NTN1: variants seen among roughly 807,000 people sequenced by gnomAD.
The protein encoded by NTN1 is netrin 1, also known as netrin-1.
Under a neutral mutation model 54.2 loss-of-function variants are expected in NTN1, and 11 were observed. The ratio of observed to expected loss-of-function variants is 0.20; its 90% CI spans 0.13 to 0.34. NTN1 has a LOEUF of 0.34. Ranked by LOEUF, NTN1 falls within the 10% of genes least tolerant of loss-of-function variation. NTN1 has a pLI of 1.00. For missense variants in NTN1, 740 were observed against 893.1 expected (o/e 0.83, Z 2.18); for synonymous variants, 371 against 382.0 (o/e 0.97, Z 0.33).
At chr17:9,190,203 G>A (rs1904414674) in intron 5 of NTN1, among the ~76,000 whole-genome samples, 2 of 152,118 alleles carry the variant, frequency 1.3e-5, no homozygotes, top group Admixed American at 1.3e-4. Flanking sequence ...TAGCAATAAA[G>A]TACAGCACAT....
At chr17:9,090,924 C>T (rs871825) in intron 2 of NTN1, among the ~76,000 whole-genome samples, 14,544 of 152,092 alleles carry the variant, frequency 0.096, 779 homozygotes, top group Non-Finnish European at 0.11. Context: ...CTCCCCTCCA[C>T]CGGGACCCTC....
intron 6 of NTN1, among the ~76,000 whole-genome samples, chr17:9,226,454 T>TCTCGTGGGGAGGTG (rs1567744971): frequency 7.4e-5 from 7 of 94,908 alleles, no homozygotes; most frequent in Non-Finnish European, 1.4e-4. Context: ...GTGGGGAGGC[T>TCTCGTGGGGAGGTG]GTCTCGTGGG....
At chr17:9,005,283 C>T in the NTN1 span, among the ~76,000 whole-genome samples, 2 of 152,134 alleles carry the variant, frequency 1.3e-5, no homozygotes, top group Non-Finnish European at 2.9e-5. Context: ...ATTCTAGAGC[C>T]ATTATACAGA....
chr17:9,133,222 C>T lies in NTN1; in HGVS notation c.1019-29591C>T, dbSNP rs78659341. ...GGGGGAGTCTGACGGATGCCACCAC[C>T]GCCTTGGTCTGTTAAGAATCTACTG... is the stretch of plus-strand genomic sequence containing the variant. On this transcript the variant is annotated intron_variant, in intron 2 of 6. Transcript: ENST00000173229. 3.7e-4 allele frequency among the ~76,000 whole-genome samples: 56 copies of T among 152,310 alleles called. No homozygotes were observed. In the East Asian group the frequency reaches 6.6e-3, roughly 18 times the overall value.
the NTN1 span, among the ~76,000 whole-genome samples, chr17:9,013,216 CTTTTTTTT>C: frequency 6.7e-5 from 8 of 118,726 alleles, no homozygotes; most frequent in African/African-American, 2.5e-4. Context: ...TTTTCTTTTT[CTTTTTTTT>C]TTTTTTTTTG....
chr17:9,152,362 C>T (rs1597507549), intron 2 of NTN1, among the ~76,000 whole-genome samples: 1 of 152,154 alleles, frequency 6.6e-6, no homozygotes, highest in African/African-American at 2.4e-5. Flanking sequence ...CTGCCCAGTT[C>T]CCCGGAGAGG....
chr17:9,236,339 G>A (rs767651926), intron 6 of NTN1, among the ~76,000 whole-genome samples: 10 of 152,238 alleles, frequency 6.6e-5, no homozygotes, highest in Non-Finnish European at 1.2e-4. Flanking sequence ...GTTGGTCGGA[G>A]GTGACAGCAG....
At chr17:9,072,212 C>T (rs1227144665) in intron 2 of NTN1, among the ~76,000 whole-genome samples, 1 of 151,822 alleles carries the variant, frequency 6.6e-6, no homozygotes, top group Non-Finnish European at 1.5e-5. Context: ...CACACCAGCC[C>T]CCTCCCGGGT....
chr17:9,049,732 T>C (rs1325077365), intron 2 of NTN1, among the ~76,000 whole-genome samples: 1 of 152,154 alleles, frequency 6.6e-6, no homozygotes, highest in East Asian at 1.9e-4. Flanking sequence ...AGATTCTGAA[T>C]TGGATCTAGA....
chr17:9,203,676 G>T (rs145128440), intron 5 of NTN1, among the ~76,000 whole-genome samples: 1 of 152,018 alleles, frequency 6.6e-6, no homozygotes, highest in Non-Finnish European at 1.5e-5. Flanking sequence ...GGTGGTGGGC[G>T]CCTGTAATCC....
Position 9,142,672 on chromosome 17 carries a change from C to T in NTN1, c.1019-20141C>T, listed in dbSNP as rs572157637. ...CATTCATGGACTTAATAGATATCAC[C>T]GTGTACTATGTGCCAGGCATGTCTC... On this transcript the variant is annotated intron_variant, in intron 2 of 6. Transcript: ENST00000173229. 7.9e-5 allele frequency among the ~76,000 whole-genome samples: 12 copies of T among 152,064 alleles called. No homozygotes were observed. The East Asian group carries it at 1.7e-3, about 22-fold the overall frequency.
chr17:9,180,500 G>A (rs1339089550), intron 4 of NTN1, among the ~76,000 whole-genome samples: 4 of 152,184 alleles, frequency 2.6e-5, no homozygotes, highest in Non-Finnish European at 4.4e-5. Context: ...CAAACACTGA[G>A]TCTCCTGTTT....
At chr17:9,095,227 C>G (rs1307049976) in intron 2 of NTN1, among the ~76,000 whole-genome samples, 1 of 152,080 alleles carries the variant, frequency 6.6e-6, no homozygotes, top group Non-Finnish European at 1.5e-5. Context: ...AAACAGTTTC[C>G]CCAAGTTTGT....
chr17:9,218,650 C>T lies in NTN1; in HGVS notation c.1412-2518C>T, dbSNP rs565775453. 2.5e-4 allele frequency among the ~76,000 whole-genome samples: 38 copies of T among 152,232 alleles called. No homozygotes were observed. The South Asian group carries it at 7.3e-3, about 29-fold the overall frequency. On this transcript the variant is annotated intron_variant, in intron 5 of 6. Coordinates refer to ENST00000173229, the MANE Select transcript of NTN1 (RefSeq NM_004822.3). ...GCCTTCCTCCTGCCCCGCCCCCCAC[C>T]CCCGGGGTGGGGCTTACCTTGGGCG...
chr17:9,006,158 A>G, the NTN1 span, among the ~76,000 whole-genome samples: 8 of 120,368 alleles, frequency 6.6e-5, no homozygotes, highest in African/African-American at 2.5e-4. Flanking sequence ...TAGGGGGAGG[A>G]GAAGCCATCA....
At chr17:9,105,660 T>C (rs537670879) in intron 2 of NTN1, among the ~76,000 whole-genome samples, 36 of 142,000 alleles carry the variant, frequency 2.5e-4, no homozygotes, top group Non-Finnish European at 4.0e-4. Flanking sequence ...CTCTCTCTCT[T>C]TCTCTCTCTC....
rs1292349323 is a variant in NTN1 at position 9,243,314 on chromosome 17, A to AAGGCCCTGGAAC, written c.*3347_*3358dup. On this transcript the variant is annotated 3_prime_UTR_variant, in exon 7 of 7. Transcript: ENST00000173229. ...GCCCAGGGAGGCTGGGAGCTGCTCCAAGGCCCTGGAACTCTGCCTCAGTCG... is the reference window on the plus strand; with the variant it reads ...GCCCAGGGAGGCTGGGAGCTGCTCCAAGGCCCTGGAACAGGCCCTGGAACTCTGCCTCAGTCG... The AAGGCCCTGGAAC allele has an allele frequency of 1.2e-4, 18 of 152,374 alleles. 1 individual carries two copies. Among genetic ancestry groups the AAGGCCCTGGAAC allele is most frequent in the African/African-American group, 3.4e-4 (14 of 41,562 alleles). The allele number at this position is 152,374 out of a possible 1,614,324, so 9.4% of individuals were successfully genotyped here. A position where few individuals can be genotyped will look rare whatever the true frequency, so the allele number is the denominator to read the frequency against.
chr17:9,026,401 G>GGA (rs1555562097), intron 2 of NTN1, among the ~76,000 whole-genome samples: 1 of 146,126 alleles, frequency 6.8e-6, no homozygotes, highest in African/African-American at 2.5e-5. Flanking sequence ...CGGGGGGGGG[G>GGA]AACAAACAAC....
intron 5 of NTN1, among the ~76,000 whole-genome samples, chr17:9,191,210 C>T (rs529498657): frequency 6.6e-6 from 1 of 152,318 alleles, no homozygotes; most frequent in East Asian, 1.9e-4. Context: ...CCTTTAATCC[C>T]AGCACTTTGG....
Sources: gnomAD v4.1 joint callset for allele counts (sites outside exome capture counted in the v4.1 genomes callset) on GRCh38, gnomAD v4.1.1 for gene constraint, MANE v1.5 for transcripts, NCBI Gene and HGNC (gene_info 2026-07-23, HGNC 2026-07-21) for gene names.